The following ASIC2 variants were observed in gnomAD, a reference collection of about 807,000 sequenced individuals.
ASIC2 encodes acid-sensing ion channel 2.
Under a neutral mutation model 57.3 loss-of-function variants are expected in ASIC2, and 25 were observed. The observed-to-expected ratio is 0.44, with a 90% confidence interval of 0.32 to 0.61. The LOEUF is 0.61. ASIC2 is among the 20% of genes least tolerant of loss of function. The pLI is 0.06. For missense variants in ASIC2, 641 were observed against 738.1 expected, an observed-to-expected ratio of 0.87 and a Z score of 1.52; for synonymous variants, 319 against 307.5, an observed-to-expected ratio of 1.04 and a Z score of -0.39.
chr17:33,378,649 A>G (rs1909367166), intron 1 of ASIC2, among the ~76,000 whole-genome samples: 1 of 152,234 alleles, frequency 6.6e-6, no homozygotes, highest in African/African-American at 2.4e-5. Context: ...TTTTGGTGAG[A>G]GGTGATTTTA....
chr17:33,916,243 A>G (rs908025535), intron 1 of ASIC2, among the ~76,000 whole-genome samples: 4 of 152,184 alleles, frequency 2.6e-5, no homozygotes, highest in South Asian at 2.1e-4. Context: ...GGATGGGCAC[A>G]TGAGACTTTT....
rs116844735 is a variant in ASIC2, at chr17:33,196,462, C to T, written c.709-84395G>A. Among the ~76,000 whole-genome samples, 1,435 of 152,170 alleles carry T rather than the reference C, an allele frequency of 9.4e-3. 27 individuals are homozygous for T. Among genetic ancestry groups the T allele is most frequent in the East Asian group, 0.052 (266 of 5,156 alleles). On this transcript the variant is annotated intron_variant, in intron 1 of 9. Coordinates refer to ENST00000225823, the MANE Select transcript of ASIC2 (RefSeq NM_183377.2). ...TGTGAGGCGTCCTTGCAGTTATCTG[C>T]TGGGAGCCTCCCAAAAGTCCAGACA...
chr17:34,153,717 C>A (rs1200672453), intron 1 of ASIC2, among the ~76,000 whole-genome samples: 3 of 152,174 alleles, frequency 2.0e-5, no homozygotes, highest in Admixed American at 2.0e-4. Flanking sequence ...TGAGGCTCAC[C>A]CCCTTTTCAA....
chr17:33,642,503 G>T (rs1906607819), intron 1 of ASIC2, among the ~76,000 whole-genome samples: 1 of 152,148 alleles, frequency 6.6e-6, no homozygotes, highest in Non-Finnish European at 1.5e-5. Context: ...CCCTTGTAAG[G>T]GTTGCAAAAA....
At chr17:33,720,265 T>C (rs1909347039) in intron 1 of ASIC2, among the ~76,000 whole-genome samples, 2 of 152,168 alleles carry the variant, frequency 1.3e-5, no homozygotes, top group South Asian at 4.1e-4. Context: ...GTAAGTGGGA[T>C]CTCCAGAAGC....
intron 1 of ASIC2, among the ~76,000 whole-genome samples, chr17:33,492,888 C>T (rs781712058): frequency 4.6e-5 from 7 of 152,178 alleles, no homozygotes; most frequent in Non-Finnish European, 8.8e-5. Context: ...TGTACATAGC[C>T]TGCGTGGATG....
Position 33,872,907 on chromosome 17 carries a change from A to G in ASIC2, c.555+283071T>C, listed in dbSNP as rs7212551. 4.5e-4 allele frequency among the ~76,000 whole-genome samples: 69 copies of G among 152,264 alleles called. 1 individual carries two copies. Among genetic ancestry groups the G allele is most frequent in the African/African-American group, 1.6e-3 (67 of 41,558 alleles). On this transcript the variant is annotated intron_variant, in intron 1 of 9. Transcript: ENST00000359872. ...ACGCATGGGCACCAGCAAATAGTAAAGGAGGGTTCCACAAGCCTGGGGTGG... is the reference window on the plus strand; with the variant it reads ...ACGCATGGGCACCAGCAAATAGTAAGGGAGGGTTCCACAAGCCTGGGGTGG...
intron 1 of ASIC2, chr17:33,131,525 T>C (rs1463954493): frequency 6.6e-6 from 1 of 152,248 alleles, no homozygotes. Flanking sequence ...GTCCACACAG[T>C]GAATCCCACA....
chr17:33,756,680 T>C (rs1309129556), intron 1 of ASIC2, among the ~76,000 whole-genome samples: 1 of 152,124 alleles, frequency 6.6e-6, no homozygotes, highest in East Asian at 1.9e-4. Context: ...GGTAGGAAAG[T>C]TACTAAACAC....
intron 1 of ASIC2, among the ~76,000 whole-genome samples, chr17:33,970,539 C>T (rs1905199171): frequency 6.6e-6 from 1 of 152,188 alleles, no homozygotes; most frequent in South Asian, 2.1e-4. Context: ...ATGGGAACCG[C>T]AAAAGACAGG....
At chr17:33,121,763 C>A (rs1597588427) in intron 1 of ASIC2, among the ~76,000 whole-genome samples, 1 of 151,916 alleles carries the variant, frequency 6.6e-6, no homozygotes, top group Non-Finnish European at 1.5e-5. Context: ...ATACCTACTA[C>A]ATGCCAGGCA....
At chr17:33,130,530 T>C (rs553708718) in intron 1 of ASIC2, among the ~76,000 whole-genome samples, 21 of 152,356 alleles carry the variant, frequency 1.4e-4, no homozygotes, top group African/African-American at 5.1e-4. Context: ...TGGGCTACAT[T>C]GGAAGGTAGT....
intron 1 of ASIC2, among the ~76,000 whole-genome samples, chr17:33,496,487 A>G (rs1424594560): frequency 2.0e-5 from 3 of 151,878 alleles, no homozygotes; most frequent in South Asian, 2.1e-4. Context: ...GGGACTTGGC[A>G]TGACTGAGGC....
At chr17:33,562,010 A>G (rs1268297558) in intron 1 of ASIC2, among the ~76,000 whole-genome samples, 1 of 152,178 alleles carries the variant, frequency 6.6e-6, no homozygotes, top group Non-Finnish European at 1.5e-5. Flanking sequence ...CTCGGGTTTT[A>G]TCTCAGGATA....
chr17:33,594,183 G>C (rs190885541), intron 1 of ASIC2, among the ~76,000 whole-genome samples: 43 of 152,356 alleles, frequency 2.8e-4, no homozygotes, highest in African/African-American at 9.4e-4. Context: ...GTGTCCCAGT[G>C]CTGGCATTCT....
intron 1 of ASIC2, among the ~76,000 whole-genome samples, chr17:33,799,377 C>CCTTTCTTTCTTT (rs150337011): frequency 4.4e-4 from 18 of 40,948 alleles, no homozygotes; most frequent in African/African-American, 8.8e-4. Context: ...TTTCTTTCTT[C>CCTTTCTTTCTTT]CTTTCTTTCT....
intron 3 of ASIC2, among the ~76,000 whole-genome samples, chr17:33,036,283 T>C (rs1026940423): frequency 6.6e-6 from 1 of 152,104 alleles, no homozygotes; most frequent in Non-Finnish European, 1.5e-5. Context: ...CAAGATCACA[T>C]AGTGATCTTG....
intron 1 of ASIC2, among the ~76,000 whole-genome samples, chr17:33,235,088 C>T (rs1381321409): frequency 6.6e-6 from 1 of 152,236 alleles, no homozygotes; most frequent in African/African-American, 2.4e-5. Flanking sequence ...CTATAGCCCT[C>T]TGTTCTGGAA....
chr17:33,648,200 G>C (rs1169702948), intron 1 of ASIC2, among the ~76,000 whole-genome samples: 1 of 152,178 alleles, frequency 6.6e-6, no homozygotes, highest in African/African-American at 2.4e-5. Context: ...GTAATTCTGA[G>C]GGACCACACT....
Sources: allele counts gnomAD v4.1 joint callset (sites outside exome capture counted in the v4.1 genomes callset), GRCh38; gene constraint gnomAD v4.1.1; transcripts MANE v1.5; gene names NCBI Gene and HGNC (gene_info 2026-07-23, HGNC 2026-07-21).